Variants in GALR1 observed in about 807,000 individuals in gnomAD.
GALR1 encodes the protein galanin receptor type 1.
A neutral mutation model predicts 17.9 loss-of-function variants in GALR1; 11 were observed. The observed-to-expected ratio is 0.62, with a 90% CI of 0.39 to 1.02. The LOEUF (loss-of-function observed/expected upper bound fraction) is 1.02. Among genes scored for constraint, GALR1 ranks in the 50% least tolerant of loss-of-function variants. GALR1 has a pLI of 0.01. For synonymous variants in GALR1, 206 were observed against 205.7 expected, an observed-to-expected ratio of 1.00 and a Z score of -0.01; for missense variants, 441 against 456.9, an observed-to-expected ratio of 0.97 and a Z score of 0.32.
chr18:77,261,313 T>C (rs577420383), intron 2 of GALR1, among the ~76,000 whole-genome samples: 71 of 152,336 alleles, frequency 4.7e-4, no homozygotes, highest in African/African-American at 1.3e-3. Flanking sequence ...ATACGCTAAA[T>C]AGACAAAGGA....
rs763860586 is a variant in GALR1 at position 77,275,840 on chromosome 18, T to C, written c.*6938T>C. 5.3e-5 allele frequency: 8 copies of C among 152,204 alleles called. No homozygotes were observed. Among genetic ancestry groups the C allele is most frequent in the Non-Finnish European group, 1.0e-4 (7 of 68,028 alleles). The allele number at this position is 152,204 out of a possible 1,614,324, so 9.4% of individuals were successfully genotyped here. A position where few individuals can be genotyped will look rare whatever the true frequency, so the allele number is the denominator to read the frequency against. On this transcript the variant is annotated 3_prime_UTR_variant, in exon 3 of 3. Coordinates refer to ENST00000299727, the MANE Select transcript of GALR1 (RefSeq NM_001480.4). ...GCTTCAGAAATAGGTCTCAGTGTTC[T>C]GGCTCAGGGCGAGGTTACAAAAGAG...
At chr18:77,255,742 A>G (rs942216838) in intron 1 of GALR1, among the ~76,000 whole-genome samples, 6 of 152,244 alleles carry the variant, frequency 3.9e-5, no homozygotes, top group Non-Finnish European at 8.8e-5. Flanking sequence ...CGATGCATCC[A>G]GGATCTAACT....
Position 77,251,138 on chromosome 18 carries a change from A to G in GALR1, c.590A>G (p.Lys197Arg), listed in dbSNP as rs774817709. The change falls in exon 1 of 3, where the codon AAG becomes AGG. Residue 197 changes from lysine (K) to arginine (R), a missense_variant. Coordinates refer to ENST00000299727, the MANE Select transcript of GALR1 (RefSeq NM_001480.4). ...GAGCAGTGGCCCGACCCTCGCCACAAGAAGGCCTACGTGGTGTGCACCTTC... is the reference window on the plus strand; with the variant it reads ...GAGCAGTGGCCCGACCCTCGCCACAGGAAGGCCTACGTGGTGTGCACCTTC... ...CWEQWPDPRH[K>R]KAYVVCTFVF... The G allele has an allele frequency of 3.2e-5, 52 of 1,613,074 alleles. No individual in the cohort carries two copies. The highest frequency in any genetic ancestry group is 4.3e-5 in the Non-Finnish European group (51 of 1,179,944).
At chr18:77,263,706 T>C (rs1163446705) in intron 2 of GALR1, among the ~76,000 whole-genome samples, 1 of 152,170 alleles carries the variant, frequency 6.6e-6, no homozygotes, top group Non-Finnish European at 1.5e-5. Flanking sequence ...TGGCTTCCAG[T>C]CTCCCTCTTT....
At chr18:77,256,420 C>T (rs114440140) in intron 2 of GALR1, among the ~76,000 whole-genome samples, 197 bp downstream of exon 2, 1,971 of 152,054 alleles carry the variant, frequency 0.013, 40 homozygotes, top group African/African-American at 0.045. Flanking sequence ...TGGGTCACTC[C>T]GTGCTGCATT....
In GALR1 at chr18:77,268,934, C is replaced by T. The variant is rs531351765; in HGVS notation, c.*32C>T. 4.0e-6 allele frequency: 6 copies of T among 1,505,230 alleles called. No individual in the cohort carries two copies. In the South Asian group the frequency reaches 5.9e-5, roughly 15 times the overall value. The allele number at this position is 1,505,230 out of a possible 1,614,324, so 93.2% of individuals were successfully genotyped here. A position where few individuals can be genotyped will look rare whatever the true frequency, so the allele number is the denominator to read the frequency against. On this transcript the variant is annotated 3_prime_UTR_variant, in exon 3 of 3. Coordinates refer to ENST00000299727, the MANE Select transcript of GALR1 (RefSeq NM_001480.4). ...ATAGAGTATCCTTATGGTTGAGTTT[C>T]CATATAAGTGGACCAGACACAGAAA...
At chr18:77,253,475 C>T (rs1284338931) in intron 1 of GALR1, among the ~76,000 whole-genome samples, 1 of 152,168 alleles carries the variant, frequency 6.6e-6, no homozygotes, top group Non-Finnish European at 1.5e-5. Flanking sequence ...TCCTTATTTC[C>T]CCAAAGCCTT....
At position 77,277,858 on chromosome 18, in the gene GALR1, G is replaced by A. The variant is rs576372314; in HGVS notation, c.*8956G>A. ...TGAAATATAATTGGCCTTTGTGATG[G>A]AACCAGTTTTCTTGCATTGAAAATA... On this transcript the variant is annotated 3_prime_UTR_variant, in exon 3 of 3. Coordinates refer to ENST00000299727, the MANE Select transcript of GALR1 (RefSeq NM_001480.4). 1.1e-4 allele frequency: 16 copies of A among 152,224 alleles called. No homozygotes were observed. The highest frequency in any genetic ancestry group is 3.4e-4 in the African/African-American group (14 of 41,542). The allele number at this position is 152,224 out of a possible 1,614,324, so 9.4% of individuals were successfully genotyped here.
intron 2 of GALR1, among the ~76,000 whole-genome samples, chr18:77,258,602 C>CATGGTGGTG (rs1912658772): frequency 1.9e-3 from 39 of 20,538 alleles, no homozygotes; most frequent in African/African-American, 2.5e-3. Flanking sequence ...TGGTGGTGGT[C>CATGGTGGTG]ATGGTGGTGA....
rs1403008091 is a variant in GALR1 at position 77,273,800 on chromosome 18, A to T, written c.*4898A>T. 2.0e-5 allele frequency: 3 copies of T among 152,130 alleles called. No homozygotes were observed. The highest frequency in any genetic ancestry group is 4.4e-5 in the Non-Finnish European group (3 of 68,018). 9.4% of individuals were successfully genotyped at this position (152,130 alleles called of 1,614,324 possible). On this transcript the variant is annotated 3_prime_UTR_variant, in exon 3 of 3. Coordinates refer to ENST00000299727, the MANE Select transcript of GALR1 (RefSeq NM_001480.4). ...TGAAGAGCTGAACTGTTAGCTCAAGATTTCGTTGGCACTGTTGGATAGAAA... is the reference window on the plus strand; with the variant it reads ...TGAAGAGCTGAACTGTTAGCTCAAGTTTTCGTTGGCACTGTTGGATAGAAA...
At position 77,273,236 on chromosome 18, in the gene GALR1, C is replaced by CA. The variant is rs1310022837; in HGVS notation, c.*4335dup. On this transcript the variant is annotated 3_prime_UTR_variant, in exon 3 of 3. Coordinates refer to ENST00000299727, the MANE Select transcript of GALR1 (RefSeq NM_001480.4). ...GCTACTCACAGGGCTGACTCACGGG[C>CA]AGATGCTCCCCATCCTTCCCCATAG... is the stretch of plus-strand genomic sequence containing the variant. 1 of 152,364 alleles carries CA rather than the reference C, an allele frequency of 6.6e-6. No individual in the cohort carries two copies. 9.4% of individuals were successfully genotyped at this position (152,364 alleles called of 1,614,324 possible).
At chr18:77,262,190 A>G (rs1912846059) in intron 2 of GALR1, among the ~76,000 whole-genome samples, 3 of 151,738 alleles carry the variant, frequency 2.0e-5, no homozygotes, top group South Asian at 2.1e-4. Context: ...CTTTAAAGCC[A>G]TAAGAGATGA....
chr18:77,258,911 AGTG>A (rs1481725385), intron 2 of GALR1, among the ~76,000 whole-genome samples: 1 of 70,754 alleles, frequency 1.4e-5, no homozygotes, highest in African/African-American at 5.2e-5. Context: ...GGTGGGCGGT[AGTG>A]GTGGTGATGA....
At chr18:77,259,387 GTGT>G (rs1912759534) in intron 2 of GALR1, among the ~76,000 whole-genome samples, 2 of 142,594 alleles carry the variant, frequency 1.4e-5, no homozygotes, top group Admixed American at 1.4e-4. Flanking sequence ...GGTGGTGTTG[GTGT>G]TGGTGGTGGT....
chr18:77,256,525 A>AGAG (rs35763551), intron 2 of GALR1, among the ~76,000 whole-genome samples: 8,606 of 152,270 alleles, frequency 0.057, 350 homozygotes, highest in Non-Finnish European at 0.084. Context: ...TGACTGAGAC[A>AGAG]GAGTGCAGAG....
intron 2 of GALR1, among the ~76,000 whole-genome samples, chr18:77,264,662 T>C (rs1599363376): frequency 6.6e-6 from 1 of 152,152 alleles, no homozygotes. Context: ...AAAGAAAAGA[T>C]GTTTAATTGA....
chr18:77,276,613 C>A lies in GALR1; in HGVS notation c.*7711C>A, dbSNP rs1313569839. On this transcript the variant is annotated 3_prime_UTR_variant, in exon 3 of 3. Coordinates refer to ENST00000299727, the MANE Select transcript of GALR1 (RefSeq NM_001480.4). ...GAGACCACCTTGTGAGATCTACTAC[C>A]TGATTTAATTGGTTTGAAGGTGAAG... 6.6e-6 allele frequency: 1 copy of A among 152,178 alleles called. No homozygotes were observed. The highest frequency in any genetic ancestry group is 6.5e-5 in the Admixed American group (1 of 15,276). 9.4% of individuals were successfully genotyped at this position (152,178 alleles called of 1,614,324 possible). A position where few individuals can be genotyped will look rare whatever the true frequency, so the allele number is the denominator to read the frequency against.
intron 2 of GALR1, among the ~76,000 whole-genome samples, chr18:77,262,739 A>G (rs1912859781): frequency 6.6e-6 from 1 of 152,228 alleles, no homozygotes; most frequent in African/African-American, 2.4e-5. Context: ...TTTTGGGAAC[A>G]ATCTGAGACA....
intron 2 of GALR1, among the ~76,000 whole-genome samples, chr18:77,259,410 T>TGGTGGTGATGATGGTC (rs1568142291): frequency 1.0e-4 from 7 of 67,286 alleles, no homozygotes; most frequent in Admixed American, 1.4e-4. Flanking sequence ...TCATGGTGGT[T>TGGTGGTGATGATGGTC]ATGGTGGTGA....
Sources: allele counts gnomAD v4.1 joint callset (sites outside exome capture counted in the v4.1 genomes callset), GRCh38; gene constraint gnomAD v4.1.1; transcripts MANE v1.5; gene names NCBI Gene and HGNC (gene_info 2026-07-23, HGNC 2026-07-21).